Variants in FOXRED2 observed in about 807,000 individuals in gnomAD.
FOXRED2 encodes FAD-dependent oxidoreductase domain-containing protein 2.
A neutral mutation model predicts 52.5 loss-of-function variants in FOXRED2; 32 were observed. The ratio of observed to expected loss-of-function variants is 0.61; its 90% CI spans 0.46 to 0.82. The LOEUF (loss-of-function observed/expected upper bound fraction) is 0.82, where lower values mean the gene tolerates loss of function less well. Among genes scored for constraint, FOXRED2 ranks in the 40% least tolerant of loss-of-function variants. The probability of loss-of-function intolerance (pLI) is 0.00; values close to 1 mark genes in which losing one functional copy is unlikely to be tolerated. For missense variants in FOXRED2, 848 were observed against 937.5 expected, an observed-to-expected ratio of 0.90 and a Z score of 1.25; for synonymous variants, 405 against 398.1, an observed-to-expected ratio of 1.02 and a Z score of -0.21.
chr22:36,506,417 G>A lies in FOXRED2; in HGVS notation c.6C>T (p.Gly2=). 3 of 1,435,140 alleles carry A rather than the reference G, an allele frequency of 2.1e-6. No homozygotes were observed. Among genetic ancestry groups the A allele is most frequent in the Non-Finnish European group, 2.7e-6 (3 of 1,099,560 alleles). The allele number at this position is 1,435,140 out of a possible 1,614,324, so 88.9% of individuals were successfully genotyped here. ...CCCACAACGGGGCCGCAGCGGAGAG[G>A]CCCATCCTGCAGCAGATCAGAGGGG... M[G]LSAAAPLWGP... The change falls in exon 2 of 9, where the codon GGC becomes GGT. Residue 2 remains glycine (G), a synonymous_variant. Coordinates refer to ENST00000397224, the MANE Select transcript of FOXRED2 (RefSeq NM_001102371.2).
chr22:36,495,157 C>A (rs1253014724), intron 7 of FOXRED2, among the ~76,000 whole-genome samples: 1 of 151,958 alleles, frequency 6.6e-6, no homozygotes, highest in Admixed American at 6.6e-5. Context: ...GATGGGGTTT[C>A]ACCATTTTGG....
At chr22:36,494,557 C>T (rs1933843407) in intron 7 of FOXRED2, among the ~76,000 whole-genome samples, 1 of 152,220 alleles carries the variant, frequency 6.6e-6, no homozygotes, top group East Asian at 1.9e-4. Context: ...GCCATCGAGT[C>T]AAGACTTGGC....
intron 5 of FOXRED2, among the ~76,000 whole-genome samples, chr22:36,499,890 C>T (rs970348657): frequency 9.9e-5 from 15 of 152,164 alleles, no homozygotes; most frequent in African/African-American, 3.6e-4. Flanking sequence ...CAACCTCCAC[C>T]TCCAAGGTTC....
At chr22:36,500,583 A>AC (rs34968841) in intron 5 of FOXRED2, among the ~76,000 whole-genome samples, 2 of 136,756 alleles carry the variant, frequency 1.5e-5, no homozygotes, top group Non-Finnish European at 3.1e-5. Flanking sequence ...ATCCAATTAC[A>AC]TTTTTTTTTT....
chr22:36,490,500 G>A (rs569722542), intron 8 of FOXRED2, among the ~76,000 whole-genome samples: 2 of 152,356 alleles, frequency 1.3e-5, no homozygotes, highest in East Asian at 3.9e-4. Flanking sequence ...TGACACTCTG[G>A]AAGAACAAGG....
rs1487889646 is a variant in FOXRED2 at position 36,506,366 on chromosome 22, G to A, written c.57C>T (p.Ile19=). 4 of 1,453,202 alleles carry A rather than the reference G, an allele frequency of 2.8e-6. No individual in the cohort carries two copies. The highest frequency in any genetic ancestry group is 1.4e-5 in the African/African-American group (1 of 70,416). 90.0% of individuals were successfully genotyped at this position (1,453,202 alleles called of 1,614,324 possible). Residue 19 remains isoleucine (I), a synonymous_variant, in exon 2 of 9, where the codon ATC becomes ATT. Transcript: ENST00000397224. ...GCACCGACAGCGCTGGGTGCAGGGC[G>A]ATGGCCAGGAGCAGCCCCGGGGGAC... The part of the protein sequence containing the change: ...LWGPPGLLLA[I]ALHPALSVPP...
intron 5 of FOXRED2, chr22:36,498,444 G>C: frequency 2.9e-6 from 1 of 341,948 alleles, no homozygotes; most frequent in Non-Finnish European, 5.4e-6. Flanking sequence ...TGTAAAAGCG[G>C]CCAAGACAAC....
chr22:36,504,220 G>A lies in FOXRED2; in HGVS notation c.927C>T (p.Thr309=), dbSNP rs150408948. ...GGGTGATGGAGTCGGCACTCTGGTT[G>A]GTGTTGGCTTCTTCCAGGAAGAATT... ...TPKFFLEEAN[T]NQSADSITLP... Residue 309 remains threonine, a synonymous_variant, in exon 4 of 9, where the codon ACC becomes ACT. Coordinates refer to ENST00000397224, the MANE Select transcript of FOXRED2 (RefSeq NM_001102371.2). The A allele has an allele frequency of 1.9e-6, 3 of 1,614,090 alleles. No individual in the cohort carries two copies. The highest frequency in any genetic ancestry group is 2.7e-5 in the African/African-American group (2 of 74,948).
chr22:36,487,425 G>A lies in FOXRED2; in HGVS notation c.*2583C>T, dbSNP rs537135067. On this transcript the variant is annotated 3_prime_UTR_variant, in exon 9 of 9. Coordinates refer to ENST00000397224, the MANE Select transcript of FOXRED2 (RefSeq NM_001102371.2). ...CCAGAGTGGTGGGGTGAGAAGTTTA[G>A]ACAGGAAAGATGGTTACGGACCAGG... 6.6e-6 allele frequency: 1 copy of A among 152,352 alleles called. No homozygotes were observed. The highest frequency in any genetic ancestry group is 6.5e-5 in the Admixed American group (1 of 15,294). 9.4% of individuals were successfully genotyped at this position (152,352 alleles called of 1,614,324 possible).
chr22:36,495,402 C>T (rs927935126), intron 7 of FOXRED2, among the ~76,000 whole-genome samples: 4 of 152,200 alleles, frequency 2.6e-5, no homozygotes, highest in Non-Finnish European at 5.9e-5. Context: ...GGGGTGCGTT[C>T]CCGAGGTTGT....
chr22:36,489,749 A>G lies in FOXRED2; in HGVS notation c.*259T>C, dbSNP rs1488367382. 1 of 410,420 alleles carries G rather than the reference A, an allele frequency of 2.4e-6. No homozygotes were observed. 25.4% of individuals were successfully genotyped at this position (410,420 alleles called of 1,614,324 possible). A position where few individuals can be genotyped will look rare whatever the true frequency, so the allele number is the denominator to read the frequency against. On this transcript the variant is annotated 3_prime_UTR_variant, in exon 9 of 9. Transcript: ENST00000397224. ...GGGCTCAGCGACAGCTCCATTGCAG[A>G]CAAACTGGGCTGGGGAAGGCAGCTC...
At chr22:36,499,809 A>G (rs1421451841) in intron 5 of FOXRED2, among the ~76,000 whole-genome samples, 4 of 151,916 alleles carry the variant, frequency 2.6e-5, no homozygotes, top group African/African-American at 9.7e-5. Context: ...TTATTTATTT[A>G]TTTATTTTTG....
At chr22:36,504,407 A>G (rs1204113532) in intron 3 of FOXRED2, 40 bp from the exon 4 acceptor site, 2 of 1,610,360 alleles carry the variant, frequency 1.2e-6, no homozygotes, top group South Asian at 2.2e-5. Flanking sequence ...GACTCAGAGG[A>G]AAGCTGGGCA....
Position 36,501,325 on chromosome 22 carries a change from C to T in FOXRED2, c.1132G>A (p.Gly378Ser). The T allele has an allele frequency of 6.2e-7, 1 of 1,614,144 alleles. No individual in the cohort carries two copies. The highest frequency in any genetic ancestry group is 8.5e-7 in the Non-Finnish European group (1 of 1,180,034). ...CTGGCAGTACCCAGGATAAACAGAC[C>T]CCGGCTTCCTTTGGATTCGTAGCTA... ...RASYESKGSR[G>S]LFILGTASHS... Residue 378 changes from glycine (G) to serine (S), a missense_variant, in exon 5 of 9, where the codon GGT becomes AGT. Gly to Ser is a moderately conservative substitution (Grantham distance 56, BLOSUM62 0). Transcript: ENST00000397224.
At chr22:36,499,467 A>G (rs943119683) in intron 5 of FOXRED2, among the ~76,000 whole-genome samples, 1 of 151,916 alleles carries the variant, frequency 6.6e-6, no homozygotes, top group Non-Finnish European at 1.5e-5. Flanking sequence ...CAAAAATAAA[A>G]ACAACAAAAT....
chr22:36,502,268 G>A (rs1934076729), intron 4 of FOXRED2, among the ~76,000 whole-genome samples: 2 of 152,186 alleles, frequency 1.3e-5, no homozygotes, highest in Non-Finnish European at 2.9e-5. Context: ...AGGAGGGTCT[G>A]GACAGGCACA....
In FOXRED2 at chr22:36,493,774, A is replaced by C; in HGVS notation, c.1654T>G (p.Trp552Gly). Residue 552 changes from tryptophan to glycine, a missense_variant, in exon 8 of 9, where the codon TGG becomes GGG. Physicochemically the swap from Trp to Gly is radical, Grantham distance 184. Coordinates refer to ENST00000397224, the MANE Select transcript of FOXRED2 (RefSeq NM_001102371.2). ...ATGGCCGTGGGCCGAGGCAGGGGCCAGTGTGCAGGGCGGAACCTCACCTCC... is the reference window on the plus strand; with the variant it reads ...ATGGCCGTGGGCCGAGGCAGGGGCCCGTGTGCAGGGCGGAACCTCACCTCC... Reference protein sequence around the residue: ...EQEVRFRPAHWPLPRPTAIHH... With the variant: ...EQEVRFRPAHGPLPRPTAIHH... 6.2e-7 allele frequency: 1 copy of C among 1,614,220 alleles called. No individual in the cohort carries two copies. The highest frequency in any genetic ancestry group is 8.5e-7 in the Non-Finnish European group (1 of 1,180,004).
Position 36,504,114 on chromosome 22 carries a change from A to G in FOXRED2, c.1033T>C (p.Phe345Leu). The G allele has an allele frequency of 6.2e-7, 1 of 1,614,124 alleles. No homozygotes were observed. Among genetic ancestry groups the G allele is most frequent in the Non-Finnish European group, 8.5e-7 (1 of 1,179,988 alleles). The change falls in exon 4 of 9, where the codon TTC (phenylalanine) becomes CTC (leucine). Residue 345 changes from phenylalanine to leucine, a missense_variant. Transcript: ENST00000397224. ...GGAACTCACTTATTGAAAATGGAGA[A>G]GTCAAAGTTCCAGCCCAGGCAGCGG... ...VIRCLGWNFD[F>L]SIFNKSLRLN...
chr22:36,504,718 G>T lies in FOXRED2; in HGVS notation c.576C>A (p.Phe192Leu), dbSNP rs1259322311. The change falls in exon 3 of 9, where the codon TTC becomes TTA. Residue 192 changes from phenylalanine to leucine, a missense_variant. Physicochemically the swap from Phe to Leu is conservative, Grantham distance 22. Transcript: ENST00000397224. ...TGLSVPNQVD[F>L]PGSEYAEGYE... ...AACCCTCTGCATATTCGGAGCCAGG[G>T]AAGTCAACCTGGTTGGGGACTGATA... is the stretch of plus-strand genomic sequence containing the variant. 1 of 1,614,144 alleles carries T rather than the reference G, an allele frequency of 6.2e-7. No homozygotes were observed. Among genetic ancestry groups the T allele is most frequent in the African/African-American group, 1.3e-5 (1 of 75,036 alleles).
Sources: gnomAD v4.1 joint callset for allele counts (sites outside exome capture counted in the v4.1 genomes callset) on GRCh38, gnomAD v4.1.1 for gene constraint, MANE v1.5 for transcripts, NCBI Gene and HGNC (gene_info 2026-07-23, HGNC 2026-07-21) for gene names.